Variants in PFDN6 observed in about 807,000 individuals in gnomAD.
PFDN6 encodes the protein prefoldin subunit 6.
A neutral mutation model predicts 19.3 loss-of-function variants in PFDN6; 5 were observed. The ratio of observed to expected loss-of-function variants is 0.26; its 90% CI spans 0.14 to 0.55. The LOEUF is 0.55. Among genes scored for constraint, PFDN6 ranks in the 20% least tolerant of loss-of-function variants. The pLI, the probability that PFDN6 is intolerant of heterozygous loss-of-function variation, is 0.94. For missense variants in PFDN6, 101 were observed against 149.4 expected (o/e 0.68, Z 1.69); for synonymous variants, 51 against 63.4 (o/e 0.80, Z 0.93).
Position 33,290,458 on chromosome 6 carries a change from T to G in PFDN6, c.260+8T>G, listed in dbSNP as rs372709557. 6.5e-6 allele frequency: 10 copies of G among 1,542,796 alleles called. No homozygotes were observed. The African/African-American group carries it at 1.2e-4, about 19-fold the overall frequency. On this transcript the variant is annotated splice_region_variant and intron_variant, in intron 3 of 3. Transcript: ENST00000374606. ...CTATATCACAGCTGAAATGTGAGTT[T>G]TTATTCCACCACCGTGTGCTGCACC...
chr6:33,289,430 G>A, upstream of PFDN6: 1 of 1,298,398 alleles, frequency 7.7e-7, no homozygotes, highest in South Asian at 2.6e-5. Context: ...AAGTAGCGGT[G>A]CGGTTTCTTT....
intron 3 of PFDN6, 28 bp from the exon 4 acceptor site, chr6:33,290,684 CCTTT>C (rs1349521372): frequency 1.2e-6 from 2 of 1,609,350 alleles, no homozygotes; most frequent in Non-Finnish European, 1.7e-6. Context: ...CTAATTTCTC[CCTTT>C]CTGCTTGTCT....
upstream of PFDN6, chr6:33,289,567 C>A (rs902932532): frequency 1.2e-5 from 9 of 752,660 alleles, no homozygotes; most frequent in African/African-American, 5.5e-5. Flanking sequence ...CCGGCACAGT[C>A]TTTTCCCAGC....
rs1767295199 is a variant in PFDN6, at chr6:33,290,813, G to C, written c.358G>C (p.Ala120Pro). 6.2e-7 allele frequency: 1 copy of C among 1,602,944 alleles called. No individual in the cohort carries two copies. The highest frequency in any genetic ancestry group is 1.3e-5 in the African/African-American group (1 of 74,876). The change falls in exon 4 of 4, where the codon GCA becomes CCA. Residue 120 changes from alanine (A) to proline (P), a missense_variant. Transcript: ENST00000374606. ...QLQQEFQRAQ[A>P]AKAGAPGKA Reference sequence around the variant, plus strand: ...GCAGCAGGAGTTCCAGCGGGCCCAGGCAGCAAAGGCAGGGGCTCCTGGCAA... The same window carrying C: ...GCAGCAGGAGTTCCAGCGGGCCCAGCCAGCAAAGGCAGGGGCTCCTGGCAA...
chr6:33,289,480 G>A (rs1290368344), upstream of PFDN6: 57 of 1,275,358 alleles, frequency 4.5e-5, no homozygotes, highest in Non-Finnish European at 3.0e-6. Context: ...AAATGTCCTA[G>A]TCTAGTCTTT....
chr6:33,289,672 A>G lies in PFDN6; in HGVS notation c.-185A>G. ...AGGCTTGGGGTCTTGCGTTTCGCCC[A>G]CCATCTCCTGGGGACAGGGTGGAGT... is the stretch of plus-strand genomic sequence containing the variant. On this transcript the variant is annotated 5_prime_UTR_variant, in exon 1 of 4. Coordinates refer to ENST00000374606, the MANE Select transcript of PFDN6 (RefSeq NM_001185181.3). 3.6e-6 allele frequency: 2 copies of G among 549,324 alleles called. No homozygotes were observed. Among genetic ancestry groups the G allele is most frequent in the Non-Finnish European group, 5.9e-6 (2 of 336,572 alleles). 34.0% of individuals were successfully genotyped at this position (549,324 alleles called of 1,614,324 possible).
intron 3 of PFDN6, 32 bp downstream of exon 3, chr6:33,290,482 C>T (rs1209195174): frequency 6.5e-7 from 1 of 1,529,730 alleles, no homozygotes; most frequent in African/African-American, 1.4e-5. Flanking sequence ...GTGTGCTGCA[C>T]CCTGTGATGC....
rs1313976409 is a variant in PFDN6, at chr6:33,290,397, G to A, written c.207G>A (p.Leu69=). Residue 69 remains leucine (L), a synonymous_variant, in exon 3 of 4, where the codon CTG becomes CTA. Coordinates refer to ENST00000374606, the MANE Select transcript of PFDN6 (RefSeq NM_001185181.3). ...LLGPVLVKQE[L]GEARATVGKR... The stretch of plus-strand genomic sequence containing the variant: ...GTCCGGTGCTAGTCAAACAGGAGCT[G>A]GGGGAGGCTCGGGCCACAGTAGGGA... 2 of 1,604,564 alleles carry A rather than the reference G, an allele frequency of 1.2e-6. No individual in the cohort carries two copies. The highest frequency in any genetic ancestry group is 1.1e-5 in the South Asian group (1 of 89,792).
In PFDN6 at chr6:33,290,803, G is replaced by C; in HGVS notation, c.348G>C (p.Gln116His). 6.2e-7 allele frequency: 1 copy of C among 1,605,150 alleles called. No homozygotes were observed. The highest frequency in any genetic ancestry group is 8.5e-7 in the Non-Finnish European group (1 of 1,179,886). Residue 116 changes from glutamine (Q) to histidine (H), a missense_variant, in exon 4 of 4, where the codon CAG becomes CAC. This residue lies in a region of PFDN6 where 47 missense variants were observed against 40.6 expected (regional missense o/e 1.16). Coordinates refer to ENST00000374606, the MANE Select transcript of PFDN6 (RefSeq NM_001185181.3). ...TTGCTCAGCTGCAGCAGGAGTTCCA[G>C]CGGGCCCAGGCAGCAAAGGCAGGGG... is the stretch of plus-strand genomic sequence containing the variant. ...ETLAQLQQEFQRAQAAKAGAP... is the reference protein window; with the variant it reads ...ETLAQLQQEFHRAQAAKAGAP...
rs527822349 is a variant in PFDN6 at position 33,290,020 on chromosome 6, A to G, written c.64+100A>G. The G allele has an allele frequency of 5.3e-6, 7 of 1,315,020 alleles. No homozygotes were observed. The African/African-American group carries it at 7.2e-5, about 14-fold the overall frequency. 81.5% of individuals were successfully genotyped at this position (1,315,020 alleles called of 1,614,324 possible). ...GCCCCATCTGGGCCCTCGCGTGCAG[A>G]GACTTCCCCGCCTCAGTCTCAGTAC... On this transcript the variant is annotated intron_variant, in intron 1 of 3. Transcript: ENST00000374606.
intron 3 of PFDN6, 59 bp from the exon 4 acceptor site, chr6:33,290,657 C>T (rs990216492): frequency 1.9e-6 from 3 of 1,591,264 alleles, no homozygotes; most frequent in Non-Finnish European, 2.6e-6. Flanking sequence ...GTTTAGCACT[C>T]TCCATAGTGA....
rs1288777496 is a variant in PFDN6, at chr6:33,290,181, T to C, written c.72T>C (p.Ser24=). The change falls in exon 2 of 4, where the codon AGT becomes AGC. Residue 24 remains serine (S), a synonymous_variant. Transcript: ENST00000374606. ...CTTTCCTCTCATCCCCAGACTTAAG[T>C]AAATCCATGTCGGGGAGGCAGAAAC... ...EKYQQLQKDL[S]KSMSGRQKLE... is the part of the protein sequence containing the mutation. 1 of 1,614,202 alleles carries C rather than the reference T, an allele frequency of 6.2e-7. No individual in the cohort carries two copies. Among genetic ancestry groups the C allele is most frequent in the South Asian group, 1.1e-5 (1 of 91,086 alleles).
chr6:33,290,636 CTCTT>C, intron 3 of PFDN6, 76 bp from the exon 4 acceptor site: 2 of 1,546,354 alleles, frequency 1.3e-6, no homozygotes, highest in Non-Finnish European at 8.8e-7. Flanking sequence ...TTCCACCTAT[CTCTT>C]TCTTGCGTTT....
rs1165639472 is a variant in PFDN6 at position 33,289,621 on chromosome 6, G to A, written c.-236G>A. The A allele has an allele frequency of 4.3e-5, 25 of 582,088 alleles. No individual in the cohort carries two copies. Among genetic ancestry groups the A allele is most frequent in the Non-Finnish European group, 6.1e-5 (23 of 374,440 alleles). 36.1% of individuals were successfully genotyped at this position (582,088 alleles called of 1,614,324 possible). On this transcript the variant is annotated 5_prime_UTR_variant, in exon 1 of 4. In the 5' UTR this introduces an upstream ATG that the reference lacks. Coordinates refer to ENST00000374606, the MANE Select transcript of PFDN6 (RefSeq NM_001185181.3). ...GGTTTATTACTACTGAAGGAAGAACGTGAGTAGGTTAGGATTTCGGTTGAG... is the reference window on the plus strand; with the variant it reads ...GGTTTATTACTACTGAAGGAAGAACATGAGTAGGTTAGGATTTCGGTTGAG...
In PFDN6 at chr6:33,290,455, GT is replaced by G. The variant is rs1767239905; in HGVS notation, c.260+10del. ...GGACTATATCACAGCTGAAATGTGAGTTTTTATTCCACCACCGTGTGCTGCA... is the reference window on the plus strand; with the variant it reads ...GGACTATATCACAGCTGAAATGTGAGTTTTATTCCACCACCGTGTGCTGCA... On this transcript the variant is annotated splice_donor_region_variant and intron_variant, in intron 3 of 3. Transcript: ENST00000374606. 1 of 1,543,118 alleles carries G rather than the reference GT, an allele frequency of 6.5e-7. No homozygotes were observed. The highest frequency in any genetic ancestry group is 2.3e-5 in the East Asian group (1 of 44,298).
Position 33,289,742 on chromosome 6 carries a change from C to A in PFDN6, c.-115C>A. On this transcript the variant is annotated 5_prime_UTR_variant, in exon 1 of 4. Coordinates refer to ENST00000374606, the MANE Select transcript of PFDN6 (RefSeq NM_001185181.3). ...GAGGTTGCGGTGCCCCTCAGGGCTA[C>A]CTCTCAAGAGTGCTATCATTTCCGC... The A allele has an allele frequency of 1.2e-6, 1 of 834,864 alleles. No individual in the cohort carries two copies. The highest frequency in any genetic ancestry group is 1.8e-6 in the Non-Finnish European group (1 of 544,714). The allele number at this position is 834,864 out of a possible 1,614,324, so 51.7% of individuals were successfully genotyped here.
At position 33,290,856 on chromosome 6, in the gene PFDN6, G is replaced by GGGGGA. The variant is rs759486569; in HGVS notation, c.*30_*34dup. 77 of 1,590,074 alleles carry GGGGGA rather than the reference G, an allele frequency of 4.8e-5. No homozygotes were observed. In the African/African-American group the frequency reaches 6.2e-4, roughly 13 times the overall value. On this transcript the variant is annotated 3_prime_UTR_variant, in exon 4 of 4. Coordinates refer to ENST00000374606, the MANE Select transcript of PFDN6 (RefSeq NM_001185181.3). The stretch of plus-strand genomic sequence containing the variant: ...CCTGGCAAGGCCTGACCCCATGGTG[G>GGGGGA]GGGGAGGGGAGGGGAGGGGAGGGAA...
At position 33,290,201 on chromosome 6, in the gene PFDN6, A is replaced by G. The variant is rs1453713115; in HGVS notation, c.92A>G (p.Gln31Arg). 6.2e-7 allele frequency: 1 copy of G among 1,614,240 alleles called. No individual in the cohort carries two copies. The highest frequency in any genetic ancestry group is 1.7e-5 in the Admixed American group (1 of 60,028). Residue 31 changes from glutamine to arginine, a missense_variant, in exon 2 of 4, where the codon CAG becomes CGG. Coordinates refer to ENST00000374606, the MANE Select transcript of PFDN6 (RefSeq NM_001185181.3). ...TTAAGTAAATCCATGTCGGGGAGGC[A>G]GAAACTTGAAGCACAACTAACAGAA... is the stretch of plus-strand genomic sequence containing the variant. ...KDLSKSMSGR[Q>R]KLEAQLTENN...
intron 1 of PFDN6, 41 bp downstream of exon 1, chr6:33,289,961 A>G (rs1428147044): frequency 5.2e-6 from 8 of 1,545,518 alleles, no homozygotes; most frequent in Non-Finnish European, 7.1e-6. Flanking sequence ...CAATGCACTT[A>G]CAACCCAAAG....
Sources: gnomAD v4.1 joint callset for allele counts on GRCh38, gnomAD v4.1.1 for gene constraint, gnomAD v4.1.1 regional missense constraint, MANE v1.5 for transcripts, NCBI Gene and HGNC (gene_info 2026-07-23, HGNC 2026-07-21) for gene names.